Variants in PSORS1C1 observed in about 807,000 individuals in gnomAD.
The protein encoded by PSORS1C1 is psoriasis susceptibility 1 candidate gene 1 protein.
Under a neutral mutation model 9.4 loss-of-function variants are expected in PSORS1C1, and 7 were observed. That is an observed-to-expected ratio of 0.75 (90% CI 0.42 to 1.40). PSORS1C1 has a LOEUF of 1.40. Among genes scored for constraint, PSORS1C1 ranks in the 40% most tolerant of loss-of-function variants. The pLI is 0.01. For synonymous variants in PSORS1C1, 63 were observed against 69.4 expected (o/e 0.91, Z 0.46); for missense variants, 146 against 178.1 (o/e 0.82, Z 1.02).
intron 1 of PSORS1C1, chr6:31,116,064 T>C (rs766061104): frequency 1.1e-5 from 17 of 1,612,022 alleles, no homozygotes; most frequent in Non-Finnish European, 1.7e-6. Flanking sequence ...GTAGGAAAAC[T>C]TCAGGGTCAG....
At position 31,138,682 on chromosome 6, in the gene PSORS1C1, C is replaced by T. The variant is rs1265097; in HGVS notation, c.70C>T (p.Pro24Ser). ...CACACAGACCCCAGCTTTACAAGGA[C>T]CCCAGCTCCTTAACACAGATCCCAG... ...LGTQTPALQG[P>S]QLLNTDPSSE... Residue 24 changes from proline to serine, a missense_variant, in exon 5 of 6, where the codon CCC becomes TCC. Transcript: ENST00000259881. The T allele has an allele frequency of 6.2e-7, 1 of 1,613,162 alleles. No individual in the cohort carries two copies. Among genetic ancestry groups the T allele is most frequent in the Non-Finnish European group, 8.5e-7 (1 of 1,179,902 alleles).
At position 31,115,664 on chromosome 6, in the gene PSORS1C1, T is replaced by C. The variant is rs772717288; in HGVS notation, c.-229+773T>C. 31 of 315,038 alleles carry C rather than the reference T, an allele frequency of 9.8e-5. No individual in the cohort carries two copies. Among genetic ancestry groups the C allele is most frequent in the Non-Finnish European group, 1.6e-4 (28 of 170,596 alleles). 19.5% of individuals were successfully genotyped at this position (315,038 alleles called of 1,614,324 possible). ...AGGCGTCAGAGGTGCTCTGAGAGCA[T>C]TTCAGGGGTTTCCCAGTTGAGAAGC... is the stretch of plus-strand genomic sequence containing the variant. On this transcript the variant is annotated intron_variant, in intron 1 of 5. Coordinates refer to ENST00000259881, the MANE Select transcript of PSORS1C1 (RefSeq NM_014068.3). The surrounding 1 kb of genome is among the most constrained non-coding windows in gnomAD (Gnocchi z 4.2).
chr6:31,126,864 C>A (rs1206853949), intron 2 of PSORS1C1, among the ~76,000 whole-genome samples: 1 of 152,180 alleles, frequency 6.6e-6, no homozygotes, highest in Non-Finnish European at 1.5e-5. Context: ...CTGGCCGAAG[C>A]CTTCCTGGCT....
intron 3 of PSORS1C1, among the ~76,000 whole-genome samples, chr6:31,136,944 T>C (rs1050636843): frequency 6.0e-5 from 8 of 132,646 alleles, no homozygotes; most frequent in Non-Finnish European, 1.1e-4. Flanking sequence ...ATGTCAGGAG[T>C]TCGAGACCAG....
chr6:31,116,981 T>C, intron 1 of PSORS1C1: 1 of 1,614,188 alleles, frequency 6.2e-7, no homozygotes, highest in South Asian at 1.1e-5. Context: ...TGGTTGGAGC[T>C]GACGCTTTGG....
intron 4 of PSORS1C1, 78 bp from the exon 5 acceptor site, chr6:31,138,578 A>T: frequency 6.2e-7 from 1 of 1,609,424 alleles, no homozygotes; most frequent in Non-Finnish European, 8.5e-7. Flanking sequence ...AGCTCCATCC[A>T]CCCCTGGTTG....
intron 1 of PSORS1C1, chr6:31,117,202 C>T: frequency 6.2e-7 from 1 of 1,614,038 alleles, no homozygotes; most frequent in Non-Finnish European, 8.5e-7. Flanking sequence ...CGAGTGAGAG[C>T]TGCTGCTCCC....
At chr6:31,135,745 A>T (rs1773110169) in intron 3 of PSORS1C1, among the ~76,000 whole-genome samples, 1 of 152,246 alleles carries the variant, frequency 6.6e-6, no homozygotes, top group African/African-American at 2.4e-5. Context: ...AGGATTAAAC[A>T]TAAAAAGTTG....
intron 2 of PSORS1C1, among the ~76,000 whole-genome samples, chr6:31,129,315 C>T (rs1289157803): frequency 6.6e-6 from 1 of 152,152 alleles, no homozygotes; most frequent in African/African-American, 2.4e-5. Flanking sequence ...GTCCCTGGGG[C>T]ATTTACTCCT....
intron 1 of PSORS1C1, chr6:31,116,180 G>A: frequency 6.2e-7 from 1 of 1,613,148 alleles, no homozygotes; most frequent in Non-Finnish European, 8.5e-7. Context: ...CCAGCGGAGG[G>A]ATCAGGATGG....
chr6:31,121,413 C>T (rs1772456640), intron 1 of PSORS1C1, among the ~76,000 whole-genome samples: 1 of 152,158 alleles, frequency 6.6e-6, no homozygotes, highest in African/African-American at 2.4e-5. Flanking sequence ...CTGGGCAGGT[C>T]GAGGAGGGCC....
intron 1 of PSORS1C1, chr6:31,120,461 A>G (rs1271633818): frequency 6.7e-7 from 1 of 1,494,292 alleles, no homozygotes; most frequent in South Asian, 1.2e-5. Context: ...GCTCAAGGAC[A>G]CCCGGGTCCT....
At chr6:31,124,133 T>C (rs139805253) in intron 1 of PSORS1C1, among the ~76,000 whole-genome samples, 4 of 152,220 alleles carry the variant, frequency 2.6e-5, no homozygotes, top group African/African-American at 7.2e-5. Flanking sequence ...TTGGATTCTA[T>C]AGGAATTGCA....
At chr6:31,116,336 CT>C in intron 1 of PSORS1C1, 1 of 1,613,542 alleles carries the variant, frequency 6.2e-7, no homozygotes, top group Non-Finnish European at 8.5e-7. Context: ...GAGCCGGTGC[CT>C]GGTGGGGAGC....
chr6:31,138,733 G>C lies in PSORS1C1; in HGVS notation c.121G>C (p.Val41Leu). The part of the protein sequence containing the change: ...PSSEETRPPH[V>L]NPDRLCHMEP... Reference sequence around the variant, plus strand: ...CTCCGAGGAAACTCGTCCCCCCCACGTTAATCCTGACCGACTTTGCCACAT... The same window carrying C: ...CTCCGAGGAAACTCGTCCCCCCCACCTTAATCCTGACCGACTTTGCCACAT... Residue 41 changes from valine to leucine, a missense_variant, in exon 5 of 6, where the codon GTT becomes CTT. Coordinates refer to ENST00000259881, the MANE Select transcript of PSORS1C1 (RefSeq NM_014068.3). 6.2e-7 allele frequency: 1 copy of C among 1,613,180 alleles called. No homozygotes were observed. Among genetic ancestry groups the C allele is most frequent in the Non-Finnish European group, 8.5e-7 (1 of 1,179,814 alleles).
rs150898829 is a variant in PSORS1C1 at position 31,117,040 on chromosome 6, G to A, written c.-229+2149G>A. 2.6e-4 allele frequency: 413 copies of A among 1,614,252 alleles called. No individual in the cohort carries two copies. The African/African-American group carries it at 2.8e-3, about 11-fold the overall frequency. On this transcript the variant is annotated intron_variant, in intron 1 of 5. Coordinates refer to ENST00000259881, the MANE Select transcript of PSORS1C1 (RefSeq NM_014068.3). ...CTGGGAAGAGGAAGAGCTTTGTCCA[G>A]GCTGGGAAGGGTTTAGTATTCCGCG...
At position 31,138,700 on chromosome 6, in the gene PSORS1C1, G is replaced by C. The variant is rs1268874262; in HGVS notation, c.88G>C (p.Asp30His). 1 of 1,611,360 alleles carries C rather than the reference G, an allele frequency of 6.2e-7. No homozygotes were observed. The highest frequency in any genetic ancestry group is 1.1e-5 in the South Asian group (1 of 90,978). Residue 30 changes from aspartate to histidine, a missense_variant, in exon 5 of 6, where the codon GAT becomes CAT. Transcript: ENST00000259881. ...ALQGPQLLNTDPSSEETRPPH... is the reference protein window; with the variant it reads ...ALQGPQLLNTHPSSEETRPPH... ...ACAAGGACCCCAGCTCCTTAACACA[G>C]ATCCCAGCTCCGAGGAAACTCGTCC...
Position 31,128,814 on chromosome 6 carries a change from C to T in PSORS1C1, c.-64-755C>T, listed in dbSNP as rs1772790013. On this transcript the variant is annotated intron_variant, in intron 2 of 5. Transcript: ENST00000259881. This position sits in a 1 kb window ranked among gnomAD's most constrained non-coding sequence, Gnocchi z 4.3. ...TCCTGGGCTCCTACGTCAGGGTTTG[C>T]CCCCTCTCTAATTTAACTTTTTATC... Among the ~76,000 whole-genome samples, 4 of 152,096 alleles carry T rather than the reference C, an allele frequency of 2.6e-5. 1 individual carries two copies. Among genetic ancestry groups the T allele is most frequent in the Admixed American group, 2.6e-4 (4 of 15,278 alleles).
chr6:31,135,648 G>A (rs537560806), intron 3 of PSORS1C1, among the ~76,000 whole-genome samples: 15 of 152,296 alleles, frequency 9.8e-5, no homozygotes, highest in East Asian at 1.9e-4. Flanking sequence ...TAAAAAATAC[G>A]TGAACAAGCC....
Sources: gnomAD v4.1 joint callset for allele counts (sites outside exome capture counted in the v4.1 genomes callset) on GRCh38, gnomAD v4.1.1 for gene constraint, Gnocchi (gnomAD v3.1) non-coding constraint, MANE v1.5 for transcripts, NCBI Gene and HGNC (gene_info 2026-07-23, HGNC 2026-07-21) for gene names.